The following AGBL1 variants were observed in gnomAD, a reference collection of about 807,000 sequenced individuals.
AGBL1 encodes the protein cytosolic carboxypeptidase 4.
In AGBL1, 130 loss-of-function variants were observed where a neutral mutation model predicts 118.9. That is an observed-to-expected ratio of 1.09 (90% CI 0.95 to 1.26). The LOEUF (loss-of-function observed/expected upper bound fraction) is 1.26. Among genes scored for constraint, AGBL1 ranks in the 50% most tolerant of loss-of-function variants. The pLI, the probability that AGBL1 is intolerant of heterozygous loss-of-function variation, is 0.00. For missense variants in AGBL1, 1,584 were observed against 1,298.1 expected (o/e 1.22, Z -3.38); for synonymous variants, 555 against 478.9 (o/e 1.16, Z -2.08).
intron 19 of AGBL1, among the ~76,000 whole-genome samples, chr15:86,524,221 C>T (rs1430720824): frequency 6.6e-6 from 1 of 152,194 alleles, no homozygotes; most frequent in African/African-American, 2.4e-5. Flanking sequence ...TTCTACCCTG[C>T]AACATAGCCT....
intron 18 of AGBL1, among the ~76,000 whole-genome samples, chr15:86,446,487 C>G (rs770551955): frequency 1.4e-4 from 21 of 152,226 alleles, no homozygotes; most frequent in Non-Finnish European, 2.5e-4. Context: ...CAGCAGGGAA[C>G]TTGGATTTCT....
chr15:86,083,551 A>C (rs1895432092), intron 1 of AGBL1: 1 of 152,158 alleles, frequency 6.6e-6, no homozygotes, highest in East Asian at 1.9e-4. Flanking sequence ...GGATCCAAGA[A>C]CACCATCTAT....
At chr15:86,372,341 T>C (rs1442133115) in intron 17 of AGBL1, among the ~76,000 whole-genome samples, 1 of 151,498 alleles carries the variant, frequency 6.6e-6, no homozygotes, top group Non-Finnish European at 1.5e-5. Flanking sequence ...TTCATCCTAC[T>C]CATCATTTCC....
At chr15:86,190,308 T>A (rs922375778) in intron 5 of AGBL1, among the ~76,000 whole-genome samples, 12 of 152,134 alleles carry the variant, frequency 7.9e-5, no homozygotes, top group African/African-American at 2.7e-4. Flanking sequence ...TTCTCACATA[T>A]ATTTGTTTAT....
chr15:86,665,379 T>C (rs541231601), intron 21 of AGBL1, among the ~76,000 whole-genome samples: 43 of 152,274 alleles, frequency 2.8e-4, no homozygotes, highest in African/African-American at 9.1e-4. Context: ...TTGCCAATGA[T>C]AGAATGTAAC....
At chr15:86,101,120 G>A (rs1896689283) in intron 1 of AGBL1, among the ~76,000 whole-genome samples, 1 of 151,936 alleles carries the variant, frequency 6.6e-6, no homozygotes, top group Non-Finnish European at 1.5e-5. Context: ...TCTTCCTTGA[G>A]TTAATAGTCA....
At chr15:86,129,382 G>T (rs1284955081) in intron 1 of AGBL1, among the ~76,000 whole-genome samples, 2 of 152,192 alleles carry the variant, frequency 1.3e-5, no homozygotes, top group South Asian at 4.1e-4. Flanking sequence ...TGTCTTGGAG[G>T]AATGATTTGT....
At chr15:86,960,055 A>C (rs987181756) in intron 23 of AGBL1, among the ~76,000 whole-genome samples, 15 of 152,284 alleles carry the variant, frequency 9.9e-5, no homozygotes, top group African/African-American at 2.4e-4. Flanking sequence ...TAAATAATTC[A>C]ACTGAAGGCC....
At chr15:86,253,527 G>A (rs1482491594) in intron 7 of AGBL1, among the ~76,000 whole-genome samples, 6 of 152,120 alleles carry the variant, frequency 3.9e-5, no homozygotes, top group Non-Finnish European at 8.8e-5. Context: ...GGGATTACAG[G>A]CGTGAGGCAC....
intron 23 of AGBL1, among the ~76,000 whole-genome samples, chr15:86,987,207 G>A (rs186537175): frequency 1.0e-3 from 153 of 152,296 alleles, no homozygotes; most frequent in African/African-American, 3.5e-3. Context: ...TGGATGTATA[G>A]GTGCAGGTCA....
At chr15:86,430,105 A>G (rs1471734844) in intron 18 of AGBL1, among the ~76,000 whole-genome samples, 2 of 152,224 alleles carry the variant, frequency 1.3e-5, no homozygotes, top group Non-Finnish European at 2.9e-5. Flanking sequence ...ATACTTAGAT[A>G]AGGCAAATTG....
intron 22 of AGBL1, among the ~76,000 whole-genome samples, chr15:86,783,535 G>A (rs1408428806): frequency 2.0e-5 from 3 of 152,144 alleles, no homozygotes; most frequent in Non-Finnish European, 2.9e-5. Context: ...TGTCTCCAAG[G>A]TGCAGGACTC....
chr15:86,642,788 A>G (rs1010779532), intron 21 of AGBL1, among the ~76,000 whole-genome samples: 1 of 152,008 alleles, frequency 6.6e-6, no homozygotes, highest in Non-Finnish European at 1.5e-5. Context: ...TAAGTTTTAT[A>G]ATTAGTGTTG....
intron 10 of AGBL1, among the ~76,000 whole-genome samples, chr15:86,264,053 C>A (rs1323106041): frequency 2.6e-5 from 4 of 152,124 alleles, no homozygotes. Context: ...CTAGACCCAC[C>A]AAAAGCCCCT....
chr15:86,174,345 G>T (rs1012146569), intron 5 of AGBL1, among the ~76,000 whole-genome samples: 1 of 151,876 alleles, frequency 6.6e-6, no homozygotes, highest in Non-Finnish European at 1.5e-5. Flanking sequence ...GAGTTTTTTT[G>T]GTGTAGTCTT....
intron 22 of AGBL1, among the ~76,000 whole-genome samples, chr15:86,698,985 A>T (rs931396215): frequency 4.6e-5 from 7 of 152,086 alleles, no homozygotes. Flanking sequence ...TTAAGACTTC[A>T]TTAAAAGTCT....
At chr15:86,624,356 T>C (rs2084853800) in intron 21 of AGBL1, among the ~76,000 whole-genome samples, 1 of 152,218 alleles carries the variant, frequency 6.6e-6, no homozygotes, top group Admixed American at 6.5e-5. Context: ...GGTCAAGCTA[T>C]TGGGCATGGA....
intron 21 of AGBL1, among the ~76,000 whole-genome samples, chr15:86,614,802 C>T (rs934170271): frequency 1.3e-4 from 20 of 152,094 alleles, no homozygotes; most frequent in Non-Finnish European, 2.6e-4. Flanking sequence ...TGGAAAAAAC[C>T]AGATTGTCAT....
At chr15:86,227,975 G>A (rs767572898) in intron 6 of AGBL1, among the ~76,000 whole-genome samples, 4 of 152,116 alleles carry the variant, frequency 2.6e-5, no homozygotes, top group Non-Finnish European at 4.4e-5. Flanking sequence ...CATTTAAATC[G>A]CAAAGTCTGT....
Sources: allele counts gnomAD v4.1 joint callset (sites outside exome capture counted in the v4.1 genomes callset), GRCh38; gene constraint gnomAD v4.1.1; transcripts MANE v1.5; gene names NCBI Gene and HGNC (gene_info 2026-07-23, HGNC 2026-07-21).